The following SLC1A2 variants were observed in gnomAD, a reference collection of about 807,000 sequenced individuals.
The protein encoded by SLC1A2 is excitatory amino acid transporter 2.
In SLC1A2, 15 loss-of-function variants were observed where a neutral mutation model predicts 48.8. The observed-to-expected ratio is 0.31, with a 90% CI of 0.21 to 0.47. The LOEUF (loss-of-function observed/expected upper bound fraction) is 0.47, where lower values mean the gene tolerates loss of function less well. Among genes scored for constraint, SLC1A2 ranks in the 20% least tolerant of loss-of-function variants. The pLI, the probability that SLC1A2 is intolerant of heterozygous loss-of-function variation, is 0.99. For synonymous variants in SLC1A2, 279 were observed against 272.6 expected, an observed-to-expected ratio of 1.02 and a Z score of -0.23; for missense variants, 502 against 730.5, an observed-to-expected ratio of 0.69 and a Z score of 3.61.
At chr11:35,341,566 A>T (rs1330254298) in intron 1 of SLC1A2, among the ~76,000 whole-genome samples, 4 of 152,244 alleles carry the variant, frequency 2.6e-5, no homozygotes, top group Admixed American at 1.3e-4. Flanking sequence ...CTTAGCAATC[A>T]GGGCAGAGTA....
intron 4 of SLC1A2, among the ~76,000 whole-genome samples, chr11:35,310,999 C>G (rs1022983231): frequency 1.3e-5 from 2 of 152,038 alleles, no homozygotes; most frequent in African/African-American, 4.8e-5. Flanking sequence ...ATTTTTACTT[C>G]TAGGAATTTA....
chr11:35,311,252 C>T (rs180913476), intron 4 of SLC1A2, among the ~76,000 whole-genome samples: 14 of 152,226 alleles, frequency 9.2e-5, no homozygotes, highest in East Asian at 1.9e-4. Context: ...CTCTGCCTCC[C>T]GGGCTCAAGC....
At chr11:35,416,685 C>T (rs1855611747) in intron 1 of SLC1A2, among the ~76,000 whole-genome samples, 1 of 152,196 alleles carries the variant, frequency 6.6e-6, no homozygotes, top group Non-Finnish European at 1.5e-5. Flanking sequence ...AACTATATTG[C>T]TATTTTTGCT....
Position 35,312,433 on chromosome 11 carries a change from TC to T in SLC1A2, c.325del (p.Asp109MetfsTer83). On this transcript the variant is annotated frameshift_variant, in exon 4 of 11. Transcript: ENST00000278379. LOFTEE classifies it high-confidence loss of function. ...SSLITGLSGLDAKASGRLGTR... is the reference protein window; with the variant it reads ...SSLITGLSGLXAKASGRLGTR... Reference sequence around the variant, plus strand: ...GCCCAAGCGGCCACTAGCCTTAGCATCCAGGCCTGACAACCCTGGATTGAAA... The same window carrying T: ...GCCCAAGCGGCCACTAGCCTTAGCATCAGGCCTGACAACCCTGGATTGAAA... 1 of 1,614,168 alleles carries T rather than the reference TC, an allele frequency of 6.2e-7. No individual in the cohort carries two copies. Among genetic ancestry groups the T allele is most frequent in the Non-Finnish European group, 8.5e-7 (1 of 1,180,000 alleles).
intron 1 of SLC1A2, among the ~76,000 whole-genome samples, chr11:35,392,177 C>T (rs1390537522): frequency 6.6e-6 from 1 of 152,202 alleles, no homozygotes; most frequent in Non-Finnish European, 1.5e-5. Context: ...TTTGCTTACA[C>T]ATACTTTTAA....
intron 1 of SLC1A2, chr11:35,322,777 C>T: frequency 1.3e-6 from 1 of 754,992 alleles, no homozygotes; most frequent in Non-Finnish European, 2.3e-6. Flanking sequence ...GTTGCATCAG[C>T]TCGAGCACCA....
chr11:35,415,845 A>G (rs1855587951), intron 1 of SLC1A2, among the ~76,000 whole-genome samples: 1 of 152,110 alleles, frequency 6.6e-6, no homozygotes, highest in South Asian at 2.1e-4. Context: ...CCCCACCTCC[A>G]AGAAGATATT....
At chr11:35,414,634 G>A (rs1855558977) in intron 1 of SLC1A2, among the ~76,000 whole-genome samples, 1 of 152,130 alleles carries the variant, frequency 6.6e-6, no homozygotes, top group Non-Finnish European at 1.5e-5. Context: ...ATCCTGCCTG[G>A]CCCCCAACAA....
Position 35,278,273 on chromosome 11 carries a change from GTTTTTTTT to G in SLC1A2, c.1421+2586_1421+2593del, listed in dbSNP as rs35889672. Among the ~76,000 whole-genome samples, 12 of 88,662 alleles carry G rather than the reference GTTTTTTTT, an allele frequency of 1.4e-4. 1 individual carries two copies. The East Asian group carries it at 3.9e-3, about 29-fold the overall frequency. The allele number at this position is 88,662 out of a possible 152,430, so 58.2% of individuals were successfully genotyped here. On this transcript the variant is annotated intron_variant, in intron 9 of 10. Coordinates refer to ENST00000278379, the MANE Select transcript of SLC1A2 (RefSeq NM_004171.4). ...CCACTTCTTACTTCTGTTTTTTTTT[GTTTTTTTT>G]TTTTTTTTTTTTAGATGGAGTTTCA...
At position 35,330,947 on chromosome 11, in the gene SLC1A2, T is replaced by C. The variant is rs558133159; in HGVS notation, c.18-13431A>G. ...GTCTTGTCTTAAGCCTCTTGATTTGTGATCATTTGTTACTGCAACAATGGG... is the reference window on the plus strand; with the variant it reads ...GTCTTGTCTTAAGCCTCTTGATTTGCGATCATTTGTTACTGCAACAATGGG... On this transcript the variant is annotated intron_variant, in intron 1 of 10. Coordinates refer to ENST00000278379, the MANE Select transcript of SLC1A2 (RefSeq NM_004171.4). 2.0e-5 allele frequency among the ~76,000 whole-genome samples: 3 copies of C among 152,366 alleles called. No homozygotes were observed. The East Asian group carries it at 5.8e-4, about 29-fold the overall frequency.
chr11:35,379,829 T>G (rs1854365281), intron 1 of SLC1A2, among the ~76,000 whole-genome samples: 1 of 152,206 alleles, frequency 6.6e-6, no homozygotes, highest in Admixed American at 6.5e-5. Context: ...ATTACTTACG[T>G]GGCGAATCCC....
intron 1 of SLC1A2, among the ~76,000 whole-genome samples, chr11:35,369,218 C>A (rs569926863): frequency 6.6e-6 from 1 of 152,174 alleles, no homozygotes; most frequent in Non-Finnish European, 1.5e-5. Flanking sequence ...TCCCCCACCA[C>A]CTTCCCAGAG....
intron 1 of SLC1A2, among the ~76,000 whole-genome samples, chr11:35,394,017 G>T (rs980721605): frequency 6.6e-6 from 1 of 152,112 alleles, no homozygotes; most frequent in Non-Finnish European, 1.5e-5. Flanking sequence ...GAAAAAGACT[G>T]ATCTGTTCAA....
intron 1 of SLC1A2, among the ~76,000 whole-genome samples, chr11:35,373,968 G>C (rs989836885): frequency 1.3e-5 from 2 of 152,202 alleles, no homozygotes; most frequent in Admixed American, 1.3e-4. Context: ...TTTGAATGCT[G>C]ACTCCTCCGT....
In SLC1A2 at chr11:35,317,487, A is replaced by C; in HGVS notation, c.47T>G (p.Val16Gly). ...GANNMPKQVE[V>G]RMHDSHLGSE... Reference sequence around the variant, plus strand: ...GCCAAGATGACTGTCGTGCATTCGCACTTCCACCTGCTTGGGCATATTGTT... The same window carrying C: ...GCCAAGATGACTGTCGTGCATTCGCCCTTCCACCTGCTTGGGCATATTGTT... Residue 16 changes from valine (V) to glycine (G), a missense_variant, in exon 2 of 11, where the codon GTG (valine) becomes GGG (glycine). Val to Gly is a moderately radical substitution (Grantham distance 109). Transcript: ENST00000278379. 1 of 1,614,020 alleles carries C rather than the reference A, an allele frequency of 6.2e-7. No individual in the cohort carries two copies.
At chr11:35,367,094 T>G (rs190496327) in intron 1 of SLC1A2, among the ~76,000 whole-genome samples, 5 of 152,346 alleles carry the variant, frequency 3.3e-5, no homozygotes, top group East Asian at 1.9e-4. Flanking sequence ...AAAAATCATA[T>G]AGCATAACCC....
chr11:35,354,713 G>A (rs780410266), intron 1 of SLC1A2, among the ~76,000 whole-genome samples: 28 of 152,124 alleles, frequency 1.8e-4, no homozygotes, highest in Admixed American at 3.9e-4. Context: ...GGAGGCAGAA[G>A]GAGCCAGCCA....
At position 35,257,300 on chromosome 11, in the gene SLC1A2, C is replaced by T. The variant is rs577658071; in HGVS notation, c.*3594G>A. 2.6e-5 allele frequency: 4 copies of T among 152,322 alleles called. No individual in the cohort carries two copies. Among genetic ancestry groups the T allele is most frequent in the Admixed American group, 2.6e-4 (4 of 15,302 alleles). The allele number at this position is 152,322 out of a possible 1,614,324, so 9.4% of individuals were successfully genotyped here. A position where few individuals can be genotyped will look rare whatever the true frequency, so the allele number is the denominator to read the frequency against. Reference sequence around the variant, plus strand: ...TTTCTCATATTCCATGAGTCTAAATCCAGGAGCTAGGCATTTTGGCACCCC... The same window carrying T: ...TTTCTCATATTCCATGAGTCTAAATTCAGGAGCTAGGCATTTTGGCACCCC... On this transcript the variant is annotated 3_prime_UTR_variant, in exon 11 of 11. Coordinates refer to ENST00000278379, the MANE Select transcript of SLC1A2 (RefSeq NM_004171.4).
chr11:35,388,658 G>A (rs1210711579), intron 1 of SLC1A2, among the ~76,000 whole-genome samples: 8 of 152,178 alleles, frequency 5.3e-5, no homozygotes, highest in Non-Finnish European at 1.5e-5. Context: ...GCCTCCCAAA[G>A]TGCTGGGATT....
Sources: gnomAD v4.1 joint callset for allele counts (sites outside exome capture counted in the v4.1 genomes callset) on GRCh38, gnomAD v4.1.1 for gene constraint, MANE v1.5 for transcripts, NCBI Gene and HGNC (gene_info 2026-07-23, HGNC 2026-07-21) for gene names.